CAMK1D: variants seen among roughly 807,000 people sequenced by gnomAD.
CAMK1D encodes the protein calcium/calmodulin-dependent protein kinase type 1D.
In CAMK1D, 9 loss-of-function variants were observed where a neutral mutation model predicts 47.7. The ratio of observed to expected loss-of-function variants is 0.19; its 90% CI spans 0.11 to 0.33. CAMK1D has a LOEUF of 0.33. Among genes scored for constraint, CAMK1D ranks in the 10% least tolerant of loss-of-function variants. The probability of loss-of-function intolerance (pLI) is 1.00; values close to 1 mark genes in which losing one functional copy is unlikely to be tolerated. For synonymous variants in CAMK1D, 184 were observed against 184.9 expected, an observed-to-expected ratio of 0.99 and a Z score of 0.04; for missense variants, 291 against 488.7, an observed-to-expected ratio of 0.60 and a Z score of 3.81.
intron 10 of CAMK1D, 95 bp from the exon 11 acceptor site, chr10:12,828,674 C>CCCCCCCAAAA: frequency 1.0e-6 from 1 of 957,734 alleles, no homozygotes; most frequent in Non-Finnish European, 1.6e-6. Context: ...CCCCGCCCCC[C>CCCCCCCAAAA]ACCATAAACC....
At chr10:12,408,803 G>A (rs947931355) in intron 1 of CAMK1D, among the ~76,000 whole-genome samples, 8 of 150,812 alleles carry the variant, frequency 5.3e-5, no homozygotes, top group South Asian at 2.1e-4. Context: ...TGATATAGGC[G>A]TCTTTTTCCT....
chr10:12,671,911 CTTTTTTT>C (rs773722384), intron 3 of CAMK1D, among the ~76,000 whole-genome samples: 1 of 98,922 alleles, frequency 1.0e-5, no homozygotes, highest in South Asian at 3.6e-4. Flanking sequence ...TCACCTAATT[CTTTTTTT>C]TTTTTTTTTT....
intron 3 of CAMK1D, among the ~76,000 whole-genome samples, chr10:12,741,723 G>A (rs1188202697): frequency 6.6e-6 from 1 of 152,142 alleles, no homozygotes; most frequent in Non-Finnish European, 1.5e-5. Flanking sequence ...CCCAGGATAC[G>A]CATCTGCCGG....
chr10:12,819,540 A>G (rs1832941345), intron 8 of CAMK1D, among the ~76,000 whole-genome samples: 1 of 152,230 alleles, frequency 6.6e-6, no homozygotes, highest in Non-Finnish European at 1.5e-5. Flanking sequence ...CATGAATAAC[A>G]ATAATACGGA....
At chr10:12,748,450 C>T (rs1401145791) in intron 3 of CAMK1D, among the ~76,000 whole-genome samples, 1 of 152,136 alleles carries the variant, frequency 6.6e-6, no homozygotes, top group Admixed American at 6.5e-5. Flanking sequence ...TGGCGTGTGA[C>T]TCAGAGTTTT....
At chr10:12,777,574 A>G (rs1385784448) in intron 5 of CAMK1D, among the ~76,000 whole-genome samples, 1 of 151,842 alleles carries the variant, frequency 6.6e-6, no homozygotes, top group Non-Finnish European at 1.5e-5. Flanking sequence ...GGGTTTCTCC[A>G]TATTGGTCAG....
At chr10:12,713,576 G>A (rs773344626) in intron 3 of CAMK1D, among the ~76,000 whole-genome samples, 1 of 152,212 alleles carries the variant, frequency 6.6e-6, no homozygotes, top group Non-Finnish European at 1.5e-5. Context: ...ATGCGGACTA[G>A]GATCCATGTT....
chr10:12,664,009 T>C (rs980253051), intron 2 of CAMK1D, among the ~76,000 whole-genome samples: 1 of 152,134 alleles, frequency 6.6e-6, no homozygotes, highest in Non-Finnish European at 1.5e-5. Flanking sequence ...TAGGATTTAT[T>C]TGAAATTTCT....
At chr10:12,439,963 G>C (rs191567395) in intron 1 of CAMK1D, among the ~76,000 whole-genome samples, 2 of 152,164 alleles carry the variant, frequency 1.3e-5, no homozygotes, top group East Asian at 1.9e-4. Context: ...ATCAGATCTC[G>C]TGAGAGACCT....
At chr10:12,798,715 A>G (rs1489490895) in intron 6 of CAMK1D, among the ~76,000 whole-genome samples, 2 of 152,248 alleles carry the variant, frequency 1.3e-5, no homozygotes, top group African/African-American at 4.8e-5. Flanking sequence ...CCATTCAATT[A>G]GAAACATAGT....
rs137878478 is a variant in CAMK1D, at chr10:12,688,851, T to G, written c.299+22041T>G. 2.0e-3 allele frequency among the ~76,000 whole-genome samples: 301 copies of G among 152,250 alleles called. 1 individual carries two copies. Among genetic ancestry groups the G allele is most frequent in the African/African-American group, 6.6e-3 (274 of 41,554 alleles). On this transcript the variant is annotated intron_variant, in intron 3 of 10. Transcript: ENST00000619168. Reference sequence around the variant, plus strand: ...GGTGCCCTCCACCATGCCCGACTCATTTTTGTATTTTAGTAGAGCCAGGGT... The same window carrying G: ...GGTGCCCTCCACCATGCCCGACTCAGTTTTGTATTTTAGTAGAGCCAGGGT...
rs1833419416 is a variant in CAMK1D, at chr10:12,831,599, C to G, written c.*2712C>G. On this transcript the variant is annotated 3_prime_UTR_variant, in exon 11 of 11. Coordinates refer to ENST00000619168, the MANE Select transcript of CAMK1D (RefSeq NM_153498.4). ...TGAAAGGTGAGCCGTGGTGCAGGTG[C>G]CCCCCTCGCTGTTCGGGTCAGTTCT... 1 of 152,188 alleles carries G rather than the reference C, an allele frequency of 6.6e-6. No homozygotes were observed. Among genetic ancestry groups the G allele is most frequent in the East Asian group, 1.9e-4 (1 of 5,184 alleles). The allele number at this position is 152,188 out of a possible 1,614,324, so 9.4% of individuals were successfully genotyped here.
intron 6 of CAMK1D, among the ~76,000 whole-genome samples, chr10:12,805,462 C>G (rs1838688738): frequency 6.6e-6 from 1 of 151,040 alleles, no homozygotes; most frequent in African/African-American, 2.4e-5. Flanking sequence ...ACTCCACCTC[C>G]CGGGTTCAAG....
intron 3 of CAMK1D, among the ~76,000 whole-genome samples, chr10:12,708,332 T>C (rs1304967253): frequency 2.7e-5 from 4 of 149,450 alleles, no homozygotes; most frequent in African/African-American, 9.7e-5. Context: ...GGAGTTTGGG[T>C]GGTGATGGGA....
At chr10:12,476,402 C>T (rs1424998996) in intron 1 of CAMK1D, among the ~76,000 whole-genome samples, 1 of 152,028 alleles carries the variant, frequency 6.6e-6, no homozygotes, top group Non-Finnish European at 1.5e-5. Flanking sequence ...GACCACAGAG[C>T]ATGCATTTAT....
chr10:12,622,754 C>T (rs1839038499), intron 2 of CAMK1D, among the ~76,000 whole-genome samples: 1 of 151,976 alleles, frequency 6.6e-6, no homozygotes. Context: ...TCAGTCAGAC[C>T]TAAGCTCGTC....
chr10:12,434,444 T>A (rs1832571561), intron 1 of CAMK1D, among the ~76,000 whole-genome samples: 1 of 152,122 alleles, frequency 6.6e-6, no homozygotes, highest in South Asian at 2.1e-4. Flanking sequence ...CCCACTACCC[T>A]AGTGACCAGG....
At chr10:12,751,086 GATAAGATAAGAT>G (rs1564535427) in intron 3 of CAMK1D, among the ~76,000 whole-genome samples, 3 of 83,996 alleles carry the variant, frequency 3.6e-5, no homozygotes, top group East Asian at 7.9e-4. Flanking sequence ...GATAAGATAA[GATAAGATAAGAT>G]AAGATAAGAT....
intron 2 of CAMK1D, among the ~76,000 whole-genome samples, chr10:12,635,933 T>C (rs565722173): frequency 3.9e-5 from 6 of 152,340 alleles, no homozygotes; most frequent in Admixed American, 3.9e-4. Flanking sequence ...AAGAAAACTA[T>C]CCTATTTAAA....
Sources: gnomAD v4.1 joint callset for allele counts (sites outside exome capture counted in the v4.1 genomes callset) on GRCh38, gnomAD v4.1.1 for gene constraint, MANE v1.5 for transcripts, NCBI Gene and HGNC (gene_info 2026-07-23, HGNC 2026-07-21) for gene names.